Variants in FILIP1 observed in about 807,000 individuals in gnomAD.
FILIP1 encodes filamin A interacting protein 1.
In FILIP1, 61 loss-of-function variants were observed where a neutral mutation model predicts 102.1. The ratio of observed to expected loss-of-function variants is 0.60; its 90% CI spans 0.49 to 0.74. The LOEUF (loss-of-function observed/expected upper bound fraction) is 0.74. Among genes scored for constraint, FILIP1 ranks in the 30% least tolerant of loss-of-function variants. FILIP1 has a pLI of 0.00. For missense variants in FILIP1, 1,314 were observed against 1,441.2 expected, an observed-to-expected ratio of 0.91 and a Z score of 1.43; for synonymous variants, 491 against 526.9, an observed-to-expected ratio of 0.93 and a Z score of 0.93.
At chr6:75,319,142 T>C (rs1773551201) in intron 4 of FILIP1, 1 of 724,296 alleles carries the variant, frequency 1.4e-6, no homozygotes, top group Non-Finnish European at 2.5e-6. Context: ...GACTTGACAA[T>C]TCCCTTTTAT....
chr6:75,491,394 C>T lies in FILIP1; in HGVS notation c.-7+2020G>A, dbSNP rs186667206. On this transcript the variant is annotated intron_variant, in intron 1 of 5. Transcript: ENST00000237172. ...AGATGATGGAAGGTTTTCAAAATAC[C>T]CAGCCTAGGTGTTTGGCAGCAACTA... Among the ~76,000 whole-genome samples the T allele has an allele frequency of 2.3e-3, 352 of 152,164 alleles. 5 individuals are homozygous for T. The Middle Eastern group carries it at 0.051, about 22-fold the overall frequency.
intron 1 of FILIP1, among the ~76,000 whole-genome samples, chr6:75,435,429 G>C (rs1777986571): frequency 6.6e-6 from 1 of 152,124 alleles, no homozygotes; most frequent in African/African-American, 2.4e-5. Context: ...TATTGTTAGG[G>C]ACTTAACTAA....
At chr6:75,444,309 T>G (rs1044862392) in intron 1 of FILIP1, among the ~76,000 whole-genome samples, 1 of 152,202 alleles carries the variant, frequency 6.6e-6, no homozygotes, top group African/African-American at 2.4e-5. Context: ...GAACCAGCTA[T>G]CAATATTTGA....
At chr6:75,319,095 A>G (rs1381554815) in intron 4 of FILIP1, 2 of 732,402 alleles carry the variant, frequency 2.7e-6, no homozygotes, top group African/African-American at 1.7e-5. Flanking sequence ...CATCCTCTTC[A>G]TCTTCCTCCT....
chr6:75,308,984 T>G, intron 5 of FILIP1, 87 bp from the exon 6 acceptor site: 2 of 1,432,854 alleles, frequency 1.4e-6, no homozygotes, highest in Non-Finnish European at 9.6e-7. Flanking sequence ...AGTGGGACTC[T>G]TGCCACACAG....
intron 2 of FILIP1, among the ~76,000 whole-genome samples, chr6:75,393,769 A>G (rs1776361761): frequency 6.6e-6 from 1 of 152,232 alleles, no homozygotes; most frequent in South Asian, 2.1e-4. Context: ...GATTCTGCAA[A>G]TTACATTTCC....
chr6:75,440,146 C>T (rs1453735095), intron 1 of FILIP1, among the ~76,000 whole-genome samples: 1 of 152,226 alleles, frequency 6.6e-6, no homozygotes, highest in Non-Finnish European at 1.5e-5. Context: ...TTATGACCTT[C>T]ATTTTGAAAA....
intron 2 of FILIP1, among the ~76,000 whole-genome samples, chr6:75,411,231 G>A (rs1474199051): frequency 1.3e-5 from 2 of 152,186 alleles, no homozygotes; most frequent in African/African-American, 2.4e-5. Context: ...TTTGAAAAAT[G>A]TCTGTTCATA....
chr6:75,440,090 G>A (rs140585906), intron 1 of FILIP1, among the ~76,000 whole-genome samples: 2 of 152,232 alleles, frequency 1.3e-5, no homozygotes, highest in Admixed American at 6.5e-5. Context: ...TAATTGCATT[G>A]AGCAGATGAC....
chr6:75,425,467 C>T (rs895738369), intron 1 of FILIP1, among the ~76,000 whole-genome samples: 9 of 152,136 alleles, frequency 5.9e-5, no homozygotes, highest in African/African-American at 2.2e-4. Flanking sequence ...CATAATGGCT[C>T]TTAGACTCCT....
At chr6:75,347,410 A>C (rs13197757) in intron 4 of FILIP1, among the ~76,000 whole-genome samples, 8,762 of 152,322 alleles carry the variant, frequency 0.058, 319 homozygotes, top group Non-Finnish European at 0.075. Flanking sequence ...ACAAAGAAGA[A>C]GGCTCAGTTG....
intron 1 of FILIP1, among the ~76,000 whole-genome samples, chr6:75,415,526 CAG>C (rs1777235359): frequency 8.1e-6 from 1 of 122,846 alleles, no homozygotes; most frequent in African/African-American, 3.1e-5. Flanking sequence ...TTGGATGTCA[CAG>C]TGTGGAAAAA....
intron 2 of FILIP1, among the ~76,000 whole-genome samples, chr6:75,364,583 G>T (rs1775268800): frequency 6.6e-6 from 1 of 152,146 alleles, no homozygotes. Flanking sequence ...CTAAAATAAT[G>T]ATTCACAATG....
intron 1 of FILIP1, among the ~76,000 whole-genome samples, chr6:75,481,261 T>G (rs1350482018): frequency 6.6e-6 from 1 of 152,190 alleles, no homozygotes; most frequent in East Asian, 1.9e-4. Flanking sequence ...TTCACCATTG[T>G]ATCCCAATCC....
chr6:75,320,507 G>A (rs1009039515), intron 4 of FILIP1, among the ~76,000 whole-genome samples: 12 of 152,118 alleles, frequency 7.9e-5, no homozygotes, highest in Non-Finnish European at 1.5e-5. Flanking sequence ...AGCCCGGGAG[G>A]CAGAGGTTGC....
At chr6:75,303,390 T>A (rs376035532), downstream of FILIP1, among the ~76,000 whole-genome samples, 29 of 152,264 alleles carry the variant, frequency 1.9e-4, no homozygotes, top group African/African-American at 6.5e-4. Context: ...GAAACATCAA[T>A]CCTTATTGTG....
chr6:75,359,486 A>C (rs1158137991), intron 3 of FILIP1, among the ~76,000 whole-genome samples: 2 of 152,224 alleles, frequency 1.3e-5, no homozygotes, highest in East Asian at 3.8e-4. Flanking sequence ...AGAACATGAA[A>C]ATAGATAAGA....
intron 1 of FILIP1, among the ~76,000 whole-genome samples, chr6:75,468,895 T>C (rs923301221): frequency 1.3e-5 from 2 of 151,656 alleles, no homozygotes; most frequent in Non-Finnish European, 2.9e-5. Context: ...ATGAATAAAA[T>C]CAAAGGAGCA....
chr6:75,481,086 G>T (rs1299602531), intron 1 of FILIP1, among the ~76,000 whole-genome samples: 1 of 152,066 alleles, frequency 6.6e-6, no homozygotes, highest in Non-Finnish European at 1.5e-5. Flanking sequence ...TTCCCACAGC[G>T]AGAGTCACTT....
Sources: gnomAD v4.1 joint callset for allele counts (sites outside exome capture counted in the v4.1 genomes callset) on GRCh38, gnomAD v4.1.1 for gene constraint, MANE v1.5 for transcripts, NCBI Gene and HGNC (gene_info 2026-07-23, HGNC 2026-07-21) for gene names.